Variants in HLF observed in about 807,000 individuals in gnomAD.
HLF encodes the protein hepatic leukemia factor.
Under a neutral mutation model 22.6 loss-of-function variants are expected in HLF, and 3 were observed. That is an observed-to-expected ratio of 0.13 (90% CI 0.06 to 0.34). HLF has a LOEUF of 0.34. Among genes scored for constraint, HLF ranks in the 10% least tolerant of loss-of-function variants. The probability of loss-of-function intolerance (pLI) is 1.00; values close to 1 mark genes in which losing one functional copy is unlikely to be tolerated. For missense variants in HLF, 299 were observed against 389.2 expected (o/e 0.77, Z 1.95); for synonymous variants, 151 against 151.8 (o/e 0.99, Z 0.04).
chr17:55,276,997 G>T (rs2080909511), intron 2 of HLF, among the ~76,000 whole-genome samples: 1 of 152,188 alleles, frequency 6.6e-6, no homozygotes, highest in Non-Finnish European at 1.5e-5. Context: ...AAAACACAGG[G>T]TTTAGGTTTC....
intron 2 of HLF, chr17:55,272,172 T>G (rs1051489922): frequency 1.3e-5 from 2 of 152,298 alleles, no homozygotes; most frequent in Non-Finnish European, 2.9e-5. Context: ...CTTCAATGTT[T>G]GCATTTTAGA....
intron 2 of HLF, among the ~76,000 whole-genome samples, chr17:55,269,444 G>T (rs75721116): frequency 2.0e-5 from 3 of 152,076 alleles, no homozygotes; most frequent in African/African-American, 7.2e-5. Flanking sequence ...GCAACAAAAT[G>T]AATAACCCTT....
Position 55,285,977 on chromosome 17 carries a change from G to A in HLF, c.451+17891G>A, listed in dbSNP as rs1010932793. ...CCTGAGAGAAGCCCCTTCCTTCCTC[G>A]GGCCACCCTTTTCTCTTGCAAAATC... is the stretch of plus-strand genomic sequence containing the variant. On this transcript the variant is annotated intron_variant, in intron 2 of 3. Transcript: ENST00000226067. 3.9e-5 allele frequency among the ~76,000 whole-genome samples: 6 copies of A among 152,124 alleles called. 1 individual carries two copies. The highest frequency in any genetic ancestry group is 2.6e-4 in the Admixed American group (4 of 15,286).
chr17:55,265,732 A>T (rs2080781570), intron 1 of HLF, 133 bp downstream of exon 1: 1 of 1,131,246 alleles, frequency 8.8e-7, no homozygotes, highest in Admixed American at 3.9e-5. Context: ...CCCCGCGCTG[A>T]TGAAATTGAG....
chr17:55,318,330 C>T (rs1905145456), intron 3 of HLF, among the ~76,000 whole-genome samples: 1 of 152,178 alleles, frequency 6.6e-6, no homozygotes, highest in Admixed American at 6.5e-5. Context: ...CTTCTGGACC[C>T]GGTTCCCAGC....
intron 2 of HLF, among the ~76,000 whole-genome samples, chr17:55,270,692 G>T (rs963660367): frequency 6.1e-5 from 8 of 130,808 alleles, no homozygotes; most frequent in Admixed American, 9.6e-5. Flanking sequence ...ACGGAGTCTC[G>T]CTCTGTCGCC....
intron 2 of HLF, among the ~76,000 whole-genome samples, chr17:55,299,724 G>A (rs1567820925): frequency 1.3e-5 from 2 of 152,222 alleles, no homozygotes; most frequent in East Asian, 3.9e-4. Context: ...ACAAGCACGT[G>A]CCACCATGCC....
intron 2 of HLF, among the ~76,000 whole-genome samples, chr17:55,306,925 A>G (rs917880498): frequency 6.6e-5 from 10 of 151,984 alleles, no homozygotes; most frequent in African/African-American, 2.4e-4. Context: ...CAGGGCATAG[A>G]TGCATTGAAG....
At chr17:55,284,411 CTGT>C (rs1396262817) in intron 2 of HLF, among the ~76,000 whole-genome samples, 3 of 152,166 alleles carry the variant, frequency 2.0e-5, no homozygotes, top group African/African-American at 7.2e-5. Context: ...CTGCTGTTTC[CTGT>C]TGTTTCCAGT....
At chr17:55,300,754 C>A (rs2081149573) in intron 2 of HLF, among the ~76,000 whole-genome samples, 2 of 152,152 alleles carry the variant, frequency 1.3e-5, no homozygotes, top group Non-Finnish European at 2.9e-5. Flanking sequence ...GAGCTCTTAC[C>A]ATTCCTGGTT....
At chr17:55,303,157 T>A (rs1028764701) in intron 2 of HLF, among the ~76,000 whole-genome samples, 2 of 152,136 alleles carry the variant, frequency 1.3e-5, no homozygotes, top group African/African-American at 4.8e-5. Flanking sequence ...GGGGCTGAGG[T>A]GAGCATTGGA....
chr17:55,318,606 T>C (rs1476233224), intron 3 of HLF, among the ~76,000 whole-genome samples: 3 of 152,112 alleles, frequency 2.0e-5, no homozygotes, highest in East Asian at 1.9e-4. Flanking sequence ...ATGCAGTTTC[T>C]ACAGTGTTCC....
Position 55,323,411 on chromosome 17 carries a change from G to A in HLF, c.*2532G>A, listed in dbSNP as rs1011497465. 2 of 212,730 alleles carry A rather than the reference G, an allele frequency of 9.4e-6. No individual in the cohort carries two copies. Among genetic ancestry groups the A allele is most frequent in the African/African-American group, 2.3e-5 (1 of 44,340 alleles). 13.2% of individuals were successfully genotyped at this position (212,730 alleles called of 1,614,324 possible). On this transcript the variant is annotated 3_prime_UTR_variant, in exon 4 of 4. Coordinates refer to ENST00000226067, the MANE Select transcript of HLF (RefSeq NM_002126.5). ...ACATGGACCATCCAAATTTATGGCC[G>A]TATCAAATGGTAGCTGAAAAAACTA...
In HLF at chr17:55,265,346, T is replaced by C. The variant is rs1037194812; in HGVS notation, c.-139T>C. 4.4e-5 allele frequency: 27 copies of C among 607,934 alleles called. No homozygotes were observed. Among genetic ancestry groups the C allele is most frequent in the Middle Eastern group, 2.6e-4 (1 of 3,902 alleles). 37.7% of individuals were successfully genotyped at this position (607,934 alleles called of 1,614,324 possible). ...ATGTATTTATAAAGATATAAGTAAT[T>C]TTTTTCTTCCCTTTTCTCCACCGCC... On this transcript the variant is annotated 5_prime_UTR_variant, in exon 1 of 4. Transcript: ENST00000226067.
At chr17:55,267,318 A>C (rs1459895018) in intron 1 of HLF, among the ~76,000 whole-genome samples, 1 of 152,222 alleles carries the variant, frequency 6.6e-6, no homozygotes, top group South Asian at 2.1e-4. Context: ...TGTAAGTCTG[A>C]ATGACCTCCT....
chr17:55,311,741 TGA>T (rs1904840526), intron 2 of HLF, among the ~76,000 whole-genome samples: 1 of 152,184 alleles, frequency 6.6e-6, no homozygotes. Flanking sequence ...TACGTGATGC[TGA>T]GATTTGGCCT....
In HLF at chr17:55,265,314, T is replaced by A; in HGVS notation, c.-171T>A. 1.8e-6 allele frequency: 1 copy of A among 542,614 alleles called. No homozygotes were observed. The highest frequency in any genetic ancestry group is 3.5e-5 in the Admixed American group (1 of 28,440). The allele number at this position is 542,614 out of a possible 1,614,324, so 33.6% of individuals were successfully genotyped here. A position where few individuals can be genotyped will look rare whatever the true frequency, so the allele number is the denominator to read the frequency against. ...AAAGTTTTTTTTTAATATATATTTT[T>A]ATGCAGATGTATTTATAAAGATATA... is the stretch of plus-strand genomic sequence containing the variant. On this transcript the variant is annotated 5_prime_UTR_variant, in exon 1 of 4. Transcript: ENST00000226067.
intron 2 of HLF, among the ~76,000 whole-genome samples, chr17:55,275,804 G>C (rs531638290): frequency 6.6e-6 from 1 of 152,304 alleles, no homozygotes; most frequent in African/African-American, 2.4e-5. Context: ...CCATAAGTCA[G>C]TTCAGTTACT....
intron 1 of HLF, chr17:55,265,965 G>T: frequency 1.6e-6 from 1 of 606,926 alleles, no homozygotes; most frequent in Non-Finnish European, 2.1e-6. Context: ...TCCCGGGCTG[G>T]GGAGGAGAAA....
Sources: allele counts gnomAD v4.1 joint callset (sites outside exome capture counted in the v4.1 genomes callset), GRCh38; gene constraint gnomAD v4.1.1; transcripts MANE v1.5; gene names NCBI Gene and HGNC (gene_info 2026-07-23, HGNC 2026-07-21).